The following VIT variants were observed in gnomAD, a reference collection of about 807,000 sequenced individuals.
The protein encoded by VIT is vitrin.
A neutral mutation model predicts 78.0 loss-of-function variants in VIT; 99 were observed. The ratio of observed to expected loss-of-function variants is 1.27; its 90% CI spans 1.08 to 1.50. VIT has a LOEUF of 1.50. Ranked by LOEUF, VIT falls within the 40% of genes most tolerant of loss-of-function variation. The pLI is 0.00. For synonymous variants in VIT, 374 were observed against 334.3 expected (o/e 1.12, Z -1.29); for missense variants, 1,126 against 875.3 (o/e 1.29, Z -3.61).
intron 2 of VIT, among the ~76,000 whole-genome samples, chr2:36,721,528 A>C (rs1029004136): frequency 1.3e-5 from 2 of 152,008 alleles, no homozygotes; most frequent in African/African-American, 4.8e-5. Context: ...TAATCTCTTA[A>C]AGCCCACATC....
chr2:36,783,520 C>A, intron 11 of VIT, 118 bp downstream of exon 11: 1 of 965,146 alleles, frequency 1.0e-6, no homozygotes, highest in Non-Finnish European at 1.6e-6. Context: ...CTATTTATCT[C>A]CTCTCTTCTG....
chr2:36,706,613 C>A (rs1228046644), intron 1 of VIT, among the ~76,000 whole-genome samples: 1 of 152,146 alleles, frequency 6.6e-6, no homozygotes, highest in African/African-American at 2.4e-5. Context: ...GCTTTTGAAG[C>A]TTTCAGAATC....
At chr2:36,747,641 G>C (rs1668218500) in intron 4 of VIT, among the ~76,000 whole-genome samples, 1 of 152,182 alleles carries the variant, frequency 6.6e-6, no homozygotes, top group Non-Finnish European at 1.5e-5. Context: ...GAGCCTATGG[G>C]TGTTATTACG....
intron 15 of VIT, 33 bp from the exon 16 acceptor site, chr2:36,814,150 G>A: frequency 6.2e-7 from 1 of 1,600,228 alleles, no homozygotes; most frequent in African/African-American, 1.3e-5. Context: ...CTTTACTTGG[G>A]GACATTTGTT....
At chr2:36,790,178 C>G (rs1449223366) in intron 12 of VIT, among the ~76,000 whole-genome samples, 2 of 152,156 alleles carry the variant, frequency 1.3e-5, no homozygotes, top group Non-Finnish European at 2.9e-5. Context: ...ATCTCCTACT[C>G]AAAGACGTTT....
chr2:36,792,617 C>T (rs1346001336), intron 12 of VIT, among the ~76,000 whole-genome samples: 3 of 152,192 alleles, frequency 2.0e-5, no homozygotes, highest in Non-Finnish European at 4.4e-5. Flanking sequence ...GACCAAACTT[C>T]ACATCAGTTA....
Position 36,814,615 on chromosome 2 carries a change from A to G in VIT, c.*254A>G, listed in dbSNP as rs1667434306. On this transcript the variant is annotated 3_prime_UTR_variant, in exon 16 of 16. Transcript: ENST00000379242. ...GTGCTGGAGATTTTACATTTTGACA[A>G]TTGTTTTCAAAATAAATGTTCGGAA... 3 of 456,834 alleles carry G rather than the reference A, an allele frequency of 6.6e-6. No individual in the cohort carries two copies. The highest frequency in any genetic ancestry group is 1.1e-5 in the Non-Finnish European group (3 of 261,404). 28.3% of individuals were successfully genotyped at this position (456,834 alleles called of 1,614,324 possible). A position where few individuals can be genotyped will look rare whatever the true frequency, so the allele number is the denominator to read the frequency against.
intron 3 of VIT, among the ~76,000 whole-genome samples, chr2:36,738,555 T>A (rs1049130206): frequency 1.3e-5 from 2 of 152,244 alleles, no homozygotes; most frequent in Non-Finnish European, 2.9e-5. Flanking sequence ...CATTCATTTA[T>A]TCATTCAGCA....
chr2:36,765,077 T>C (rs897126822), intron 6 of VIT, among the ~76,000 whole-genome samples: 2 of 152,126 alleles, frequency 1.3e-5, no homozygotes, highest in Non-Finnish European at 2.9e-5. Flanking sequence ...ATTGAATGTT[T>C]CCTTATATGG....
intron 3 of VIT, among the ~76,000 whole-genome samples, chr2:36,739,837 G>A (rs974104505): frequency 2.6e-5 from 4 of 152,200 alleles, no homozygotes; most frequent in Admixed American, 2.0e-4. Context: ...GGCTCCCCAC[G>A]GCTCTCTGTG....
At chr2:36,769,990 T>C (rs1669650665) in intron 7 of VIT, among the ~76,000 whole-genome samples, 2 of 152,330 alleles carry the variant, frequency 1.3e-5, no homozygotes, top group African/African-American at 2.4e-5. Context: ...GGGCTGAAAA[T>C]TGGAAAGCAA....
intron 15 of VIT, among the ~76,000 whole-genome samples, chr2:36,810,879 C>T (rs1033286060): frequency 1.3e-5 from 2 of 152,198 alleles, no homozygotes; most frequent in Non-Finnish European, 2.9e-5. Flanking sequence ...AGCCATCCAC[C>T]TACCTCAGCT....
At chr2:36,777,072 G>C (rs1001548454) in intron 9 of VIT, among the ~76,000 whole-genome samples, 53 of 61,140 alleles carry the variant, frequency 8.7e-4, no homozygotes, top group African/African-American at 1.4e-3. Flanking sequence ...CTGGGCGACA[G>C]AGCGAGACTC....
At chr2:36,710,686 T>C (rs539991252) in intron 1 of VIT, among the ~76,000 whole-genome samples, 9 of 152,318 alleles carry the variant, frequency 5.9e-5, no homozygotes, top group African/African-American at 1.7e-4. Flanking sequence ...ACTACTTTCA[T>C]TTAACATAAT....
At chr2:36,779,010 T>C (rs1203324417) in intron 9 of VIT, among the ~76,000 whole-genome samples, 1 of 152,184 alleles carries the variant, frequency 6.6e-6, no homozygotes, top group African/African-American at 2.4e-5. Flanking sequence ...TGTTGGTGAC[T>C]TCTAGATGGA....
intron 4 of VIT, among the ~76,000 whole-genome samples, chr2:36,749,615 C>T (rs1364966416): frequency 1.3e-5 from 2 of 152,164 alleles, no homozygotes; most frequent in African/African-American, 4.8e-5. Flanking sequence ...AATCACTTTT[C>T]TAAAGCCATA....
intron 1 of VIT, among the ~76,000 whole-genome samples, chr2:36,702,561 T>C (rs1393500296): frequency 6.6e-6 from 1 of 152,198 alleles, no homozygotes; most frequent in African/African-American, 2.4e-5. Context: ...CTTTCTGCAG[T>C]GGAAAGGGGG....
chr2:36,785,100 C>T (rs1012135158), intron 11 of VIT, among the ~76,000 whole-genome samples: 8 of 152,162 alleles, frequency 5.3e-5, no homozygotes, highest in African/African-American at 1.9e-4. Context: ...GTACTTTATT[C>T]ATGTAAAAAG....
At position 36,808,648 on chromosome 2, in the gene VIT, G is replaced by C. The variant is rs367875160; in HGVS notation, c.1566G>C (p.Gly522=). ...GFVIDGSSSV[G]TGNFRTVLQF... is the part of the protein sequence containing the mutation. The stretch of plus-strand genomic sequence containing the variant: ...TCATCGACGGCTCCAGCAGTGTGGG[G>C]ACGGGCAACTTCCGCACCGTCCTCC... Residue 522 remains glycine, a synonymous_variant, in exon 15 of 16, where the codon GGG becomes GGC. Transcript: ENST00000379242. 4 of 1,614,242 alleles carry C rather than the reference G, an allele frequency of 2.5e-6. No homozygotes were observed. The highest frequency in any genetic ancestry group is 2.5e-6 in the Non-Finnish European group (3 of 1,180,054).
Sources: allele counts gnomAD v4.1 joint callset (sites outside exome capture counted in the v4.1 genomes callset), GRCh38; gene constraint gnomAD v4.1.1; transcripts MANE v1.5; gene names NCBI Gene and HGNC (gene_info 2026-07-23, HGNC 2026-07-21).